FLNB: variants seen among roughly 807,000 people sequenced by gnomAD.
FLNB encodes the protein filamin-B.
FLNB carries 111 observed loss-of-function variants against 250.6 expected under a neutral mutation model. That is an observed-to-expected ratio of 0.44 (90% confidence interval 0.38 to 0.52). The LOEUF is 0.52. FLNB is among the 20% of genes least tolerant of loss of function. FLNB has a pLI of 0.00. For synonymous variants in FLNB, 1,302 were observed against 1,372.1 expected, an observed-to-expected ratio of 0.95 and a Z score of 1.13; for missense variants, 2,869 against 3,447.8, an observed-to-expected ratio of 0.83 and a Z score of 4.20.
chr3:58,045,282 A>G (rs183205968), intron 1 of FLNB, among the ~76,000 whole-genome samples: 1 of 152,254 alleles, frequency 6.6e-6, no homozygotes. Context: ...TTTGAAAATG[A>G]CGTTCCCTTC....
At chr3:58,158,355 A>G (rs1255223186) in intron 41 of FLNB, among the ~76,000 whole-genome samples, 1 of 152,250 alleles carries the variant, frequency 6.6e-6, no homozygotes, top group Admixed American at 6.5e-5. Flanking sequence ...CATTAAGTTG[A>G]AATATATGTA....
chr3:58,092,594 C>T (rs1481656973), intron 4 of FLNB, among the ~76,000 whole-genome samples: 4 of 152,002 alleles, frequency 2.6e-5, no homozygotes, highest in African/African-American at 4.8e-5. Flanking sequence ...TGCAGTGAGC[C>T]GTAATTGTGC....
chr3:58,148,751 C>G lies in FLNB; in HGVS notation c.5990C>G (p.Ser1997Trp). 6.2e-7 allele frequency: 1 copy of G among 1,613,992 alleles called. No homozygotes were observed. Among genetic ancestry groups the G allele is most frequent in the Non-Finnish European group, 8.5e-7 (1 of 1,180,002 alleles). ...NSPVSIMVVQ[S>W]EIGDARRAKV... is the part of the protein sequence containing the mutation. ...CCCGTGTCTATCATGGTGGTCCAGTCGGAGATTGGTGACGCCCGCCGAGCC... is the reference window on the plus strand; with the variant it reads ...CCCGTGTCTATCATGGTGGTCCAGTGGGAGATTGGTGACGCCCGCCGAGCC... Residue 1997 changes from serine to tryptophan, a missense_variant, in exon 36 of 46, where the codon TCG becomes TGG. Coordinates refer to ENST00000295956, the MANE Select transcript of FLNB (RefSeq NM_001457.4).
rs141151998 is a variant in FLNB at position 58,094,912 on chromosome 3, C to T, written c.864C>T (p.Asp288=). ...ACACCATCAGCGCCGGGCAAGGAGACGTGATGGTGTTTGTTGAGGACCCAG... is the reference window on the plus strand; with the variant it reads ...ACACCATCAGCGCCGGGCAAGGAGATGTGATGGTGTTTGTTGAGGACCCAG... ...TVDTISAGQG[D]VMVFVEDPEG... The change falls in exon 5 of 46, where the codon GAC becomes GAT. Residue 288 remains aspartate (D), a synonymous_variant. Coordinates refer to ENST00000295956, the MANE Select transcript of FLNB (RefSeq NM_001457.4). The T allele has an allele frequency of 1.7e-4, 271 of 1,614,106 alleles. No individual in the cohort carries two copies. Among genetic ancestry groups the T allele is most frequent in the Middle Eastern group, 3.3e-4 (2 of 6,060 alleles).
intron 25 of FLNB, chr3:58,132,024 G>T: frequency 6.6e-7 from 1 of 1,525,930 alleles, no homozygotes; most frequent in Non-Finnish European, 8.8e-7. Context: ...AGACAGGTTT[G>T]CATTTTCCCA....
At chr3:58,093,400 C>G (rs1384348434) in intron 4 of FLNB, among the ~76,000 whole-genome samples, 2 of 152,110 alleles carry the variant, frequency 1.3e-5, no homozygotes, top group Non-Finnish European at 2.9e-5. Flanking sequence ...GACTACAGTT[C>G]CTCTCCCTTC....
intron 36 of FLNB, 142 bp downstream of exon 36, chr3:58,148,994 T>C: frequency 1.3e-6 from 1 of 786,206 alleles, no homozygotes; most frequent in Non-Finnish European, 2.2e-6. Context: ...TGCATTGTCT[T>C]TTATGCCTCA....
chr3:58,109,411 C>G, intron 14 of FLNB, 89 bp downstream of exon 14: 1 of 1,583,578 alleles, frequency 6.3e-7, no homozygotes, highest in Non-Finnish European at 8.6e-7. Flanking sequence ...CCAAGGCAGA[C>G]ATATGGAAGG....
At chr3:58,096,594 C>T (rs1432588071) in intron 6 of FLNB, among the ~76,000 whole-genome samples, 3 of 152,092 alleles carry the variant, frequency 2.0e-5, no homozygotes, top group Admixed American at 1.3e-4. Context: ...CTGCAACCCC[C>T]GCCTCCTGGG....
chr3:58,068,083 C>A (rs969029086), intron 1 of FLNB, among the ~76,000 whole-genome samples: 4 of 152,104 alleles, frequency 2.6e-5, no homozygotes, highest in Non-Finnish European at 5.9e-5. Context: ...GTGCATGGAG[C>A]AGGCATGCCC....
Position 58,163,160 on chromosome 3 carries a change from A to C in FLNB, c.7028A>C (p.Tyr2343Ser). ...CCTTTGCTCATTCTCCTAGATAAGT[A>C]TGCTGTTCGCTTCATCCCTCATGAG... Reference protein sequence around the residue: ...CHVSELEPDKYAVRFIPHENG... With the variant: ...CHVSELEPDKSAVRFIPHENG... The change falls in exon 43 of 46, where the codon TAT becomes TCT. Residue 2343 changes from tyrosine (Y) to serine (S), a missense_variant. Tyr to Ser is a moderately radical substitution (Grantham distance 144). Coordinates refer to ENST00000295956, the MANE Select transcript of FLNB (RefSeq NM_001457.4). 1 of 1,614,136 alleles carries C rather than the reference A, an allele frequency of 6.2e-7. No individual in the cohort carries two copies. Among genetic ancestry groups the C allele is most frequent in the African/African-American group, 1.3e-5 (1 of 75,044 alleles).
intron 43 of FLNB, chr3:58,165,722 C>T (rs2107327461): frequency 6.6e-6 from 1 of 152,272 alleles, no homozygotes; most frequent in East Asian, 1.9e-4. Flanking sequence ...GCTCCAGATT[C>T]TTTGGAGCCG....
At chr3:58,061,692 T>C (rs769320622) in intron 1 of FLNB, among the ~76,000 whole-genome samples, 6 of 151,762 alleles carry the variant, frequency 4.0e-5, no homozygotes, top group Non-Finnish European at 7.4e-5. Flanking sequence ...TGAGCCGTGA[T>C]TGCACCACTG....
In FLNB at chr3:58,089,976, G is replaced by A. The variant is rs535224559; in HGVS notation, c.788-4860G>A. ...TAATTTTTTTATTTTTAGTAGAGAC[G>A]TAGTTTCACCCTGTTGGCCTGGCTG... is the stretch of plus-strand genomic sequence containing the variant. On this transcript the variant is annotated intron_variant, in intron 4 of 45. Transcript: ENST00000295956. Among the ~76,000 whole-genome samples the A allele has an allele frequency of 3.3e-5, 5 of 152,132 alleles. No individual in the cohort carries two copies. In the South Asian group the frequency reaches 8.3e-4, roughly 25 times the overall value.
At chr3:58,110,295 C>T in intron 16 of FLNB, 125 bp downstream of exon 16, 1 of 982,028 alleles carries the variant, frequency 1.0e-6, no homozygotes, top group Admixed American at 2.0e-5. Context: ...TGGAGTCTCA[C>T]TCTTTCACCC....
At chr3:58,104,422 A>G (rs1374407156) in intron 10 of FLNB, among the ~76,000 whole-genome samples, 1 of 152,174 alleles carries the variant, frequency 6.6e-6, no homozygotes, top group Non-Finnish European at 1.5e-5. Context: ...TTTGTTCATG[A>G]ATGCCACGGG....
Position 58,008,660 on chromosome 3 carries a change from C to T in FLNB, c.96C>T (p.Cys32=), listed in dbSNP as rs765325091. The change falls in exon 1 of 46, where the codon TGC becomes TGT. Residue 32 remains cysteine, a synonymous_variant. Transcript: ENST00000295956. ...GCTGGTGCAACGAGCACCTCAAGTG[C>T]GTGAACAAACGCATCGGCAACCTGC... is the stretch of plus-strand genomic sequence containing the variant. ...FTRWCNEHLK[C]VNKRIGNLQT... is the part of the protein sequence containing the mutation. The T allele has an allele frequency of 6.2e-6, 10 of 1,614,050 alleles. No homozygotes were observed. The highest frequency in any genetic ancestry group is 1.3e-5 in the African/African-American group (1 of 74,952).
Position 58,146,118 on chromosome 3 carries a change from A to G in FLNB, c.5554+69A>G, listed in dbSNP as rs564124598. 16 of 1,579,752 alleles carry G rather than the reference A, an allele frequency of 1.0e-5. No homozygotes were observed. In the African/African-American group the frequency reaches 1.6e-4, roughly 16 times the overall value. On this transcript the variant is annotated intron_variant, in intron 33 of 45. Transcript: ENST00000295956. ...TGGAGGGTGAAGTGGACACGGTTCC[A>G]GGGTGGCTTTTAAAAGTGAGACAAT...
chr3:58,134,484 T>G, intron 26 of FLNB, 132 bp from the exon 27 acceptor site: 1 of 1,057,590 alleles, frequency 9.5e-7, no homozygotes. Flanking sequence ...TTAGGCACCT[T>G]GACTAACTCA....
Sources: gnomAD v4.1 joint callset for allele counts (sites outside exome capture counted in the v4.1 genomes callset) on GRCh38, gnomAD v4.1.1 for gene constraint, MANE v1.5 for transcripts, NCBI Gene and HGNC (gene_info 2026-07-23, HGNC 2026-07-21) for gene names.